Variants in DLG3 observed in about 807,000 individuals in gnomAD.
DLG3 encodes disks large homolog 3.
DLG3 carries 1 observed loss-of-function variant against 64.1 expected under a neutral mutation model. The ratio of observed to expected loss-of-function variants is 0.02; its 90% CI spans 0.01 to 0.07. The LOEUF (loss-of-function observed/expected upper bound fraction) is 0.07. DLG3 is among the 10% of genes least tolerant of loss of function. DLG3 has a pLI of 1.00. For missense variants in DLG3, 429 were observed against 669.5 expected (o/e 0.64, Z 3.96); for synonymous variants, 245 against 259.8 (o/e 0.94, Z 0.55).
In DLG3 at chrX:70,452,019, T is replaced by C. The variant is rs749973560; in HGVS notation, c.1138T>C (p.Phe380Leu). 32 of 1,208,522 alleles carry C rather than the reference T, an allele frequency of 2.6e-5. No homozygotes were observed. The highest frequency in any genetic ancestry group is 3.5e-5 in the African/African-American group (2 of 56,821). ...CAGGCACATGCTGGCTGAGGAGGAC[T>C]TCACCAGGTAAGACCCCGCCCCCAA... is the stretch of plus-strand genomic sequence containing the variant. ...IPRHMLAEEDFTREPRKIILH... is the reference protein window; with the variant it reads ...IPRHMLAEEDLTREPRKIILH... Residue 380 changes from phenylalanine to leucine, a missense_variant, in exon 7 of 19, where the codon TTC becomes CTC. Transcript: ENST00000374360.
intron 10 of DLG3, among the ~76,000 whole-genome samples, chrX:70,482,028 C>T (rs374928692): frequency 2.7e-5 from 3 of 111,957 alleles, no homozygotes; most frequent in East Asian, 2.8e-4. Context: ...CTCAAACAAG[C>T]GGCATGTACT....
At chrX:70,456,407 A>G (rs912107084) in intron 9 of DLG3, among the ~76,000 whole-genome samples, 1 of 112,299 alleles carries the variant, frequency 8.9e-6, no homozygotes, top group Non-Finnish European at 1.9e-5. Context: ...TGTTGGGCAC[A>G]TGGAAACAAT....
chrX:70,468,730 T>C (rs891155135), intron 9 of DLG3, among the ~76,000 whole-genome samples: 2 of 112,071 alleles, frequency 1.8e-5, no homozygotes, highest in Admixed American at 1.9e-4. Flanking sequence ...CACATAGCCT[T>C]GAGAAATATT....
chrX:70,499,847 G>A (rs2087524540), intron 15 of DLG3, 30 bp from the exon 16 acceptor site: 1 of 1,190,570 alleles, frequency 8.4e-7, no homozygotes, highest in South Asian at 1.8e-5. Context: ...ACTGCCCCTG[G>A]GCCACAAAGC....
At chrX:70,465,425 A>G (rs756740192) in intron 9 of DLG3, among the ~76,000 whole-genome samples, 1 of 112,112 alleles carries the variant, frequency 8.9e-6, no homozygotes, top group East Asian at 2.8e-4. Flanking sequence ...CAGTGTGGAG[A>G]GAAGTTTCTA....
chrX:70,460,967 G>A (rs915099615), intron 9 of DLG3, among the ~76,000 whole-genome samples: 3 of 111,905 alleles, frequency 2.7e-5, no homozygotes, highest in Non-Finnish European at 3.8e-5. Flanking sequence ...ATTGTTTATC[G>A]GTTGATGGAC....
At chrX:70,460,858 C>T (rs2086790869) in intron 9 of DLG3, among the ~76,000 whole-genome samples, 1 of 112,160 alleles carries the variant, frequency 8.9e-6, no homozygotes, top group Non-Finnish European at 1.9e-5. Flanking sequence ...GCTTCTCTCA[C>T]TTAGCATAAT....
intron 2 of DLG3, 84 bp from the exon 3 acceptor site, chrX:70,449,275 G>A: frequency 8.6e-7 from 1 of 1,166,841 alleles, no homozygotes; most frequent in Non-Finnish European, 1.2e-6. Context: ...ACTAGCTCTG[G>A]GATATAAGGG....
intron 9 of DLG3, among the ~76,000 whole-genome samples, chrX:70,456,704 T>C (rs763270684): frequency 1.8e-5 from 2 of 111,651 alleles, no homozygotes; most frequent in South Asian, 3.8e-4. Context: ...TCAATCTTAC[T>C]TCCTCCTTTG....
chrX:70,455,063 C>A (rs1299624640), intron 9 of DLG3: 1 of 747,545 alleles, frequency 1.3e-6, no homozygotes, highest in Admixed American at 8.7e-5. Context: ...GCCCCCTGAC[C>A]CAGGAGGAGG....
chrX:70,457,037 A>C (rs187676601), intron 9 of DLG3, among the ~76,000 whole-genome samples: 3 of 111,722 alleles, frequency 2.7e-5, no homozygotes, highest in Admixed American at 9.5e-5. Flanking sequence ...TCTTCACGTG[A>C]ATGTGAGAGC....
chrX:70,491,274 A>G (rs900683574), intron 10 of DLG3, among the ~76,000 whole-genome samples: 4 of 111,704 alleles, frequency 3.6e-5, no homozygotes, highest in African/African-American at 1.3e-4. Context: ...GATCTTGTCT[A>G]TTCAAGGGCT....
chrX:70,480,727 T>C (rs866620079), intron 10 of DLG3, among the ~76,000 whole-genome samples: 2 of 112,385 alleles, frequency 1.8e-5, no homozygotes, highest in Non-Finnish European at 3.8e-5. Flanking sequence ...CGTTCCGTGC[T>C]TCCAGCCCCC....
chrX:70,453,469 A>T (rs909598790), intron 7 of DLG3, among the ~76,000 whole-genome samples, 168 bp from the exon 8 acceptor site: 2 of 111,116 alleles, frequency 1.8e-5, no homozygotes, highest in African/African-American at 3.3e-5. Context: ...CACCTGACAG[A>T]ACAGCAGCCA....
intron 7 of DLG3, chrX:70,452,647 G>T (rs2086634282): frequency 3.3e-6 from 4 of 1,194,614 alleles, no homozygotes; most frequent in Non-Finnish European, 4.5e-6. Context: ...AAGTTCTCGG[G>T]CTCCGGCTTG....
rs1254280182 is a variant in DLG3, at chrX:70,474,173, T to A, written c.1406-4977T>A. Among the ~76,000 whole-genome samples, 5 of 111,810 alleles carry A rather than the reference T, an allele frequency of 4.5e-5. No individual in the cohort carries two copies. The East Asian group carries it at 1.4e-3, about 31-fold the overall frequency. On this transcript the variant is annotated intron_variant, in intron 9 of 18. Transcript: ENST00000374360. ...TTTGGCTGACATAGTAAAAGTAAAA[T>A]TCTTTAGTGCTCATTGAGTCGTTAT...
chrX:70,471,571 C>T (rs781536593), intron 9 of DLG3, among the ~76,000 whole-genome samples: 14 of 111,076 alleles, frequency 1.3e-4, no homozygotes, highest in Middle Eastern at 4.7e-3. Flanking sequence ...CCTCGTGATC[C>T]GCCCATCTCG....
Position 70,500,473 on chromosome X carries a change from C to G in DLG3, c.2148C>G (p.Gly716=), listed in dbSNP as rs1175908313. 1.7e-6 allele frequency: 2 copies of G among 1,204,056 alleles called. No individual in the cohort carries two copies. The highest frequency in any genetic ancestry group is 2.2e-6 in the Non-Finnish European group (2 of 889,186). ...IQSVRAVAER[G]KHCILDVSGN... ...TGTTACAATCTCTGCTTTTTCAGGG[C>G]AAGCACTGCATCTTAGATGTTTCCG... The change falls in exon 17 of 19, where the codon GGC becomes GGG. Residue 716 remains glycine, a splice_region_variant and synonymous_variant. Coordinates refer to ENST00000374360, the MANE Select transcript of DLG3 (RefSeq NM_021120.4).
chrX:70,493,432 C>T, intron 12 of DLG3: 2 of 1,208,209 alleles, frequency 1.7e-6, no homozygotes, highest in East Asian at 3.0e-5. Context: ...TTCCATTTTA[C>T]AAGAGCAAAG....
Sources: gnomAD v4.1 joint callset for allele counts (sites outside exome capture counted in the v4.1 genomes callset) on GRCh38, gnomAD v4.1.1 for gene constraint, MANE v1.5 for transcripts, NCBI Gene and HGNC (gene_info 2026-07-23, HGNC 2026-07-21) for gene names.